The following SLC16A3 variants were observed in gnomAD, a reference collection of about 807,000 sequenced individuals.
SLC16A3 encodes the protein monocarboxylate transporter 4.
A neutral mutation model predicts 25.0 loss-of-function variants in SLC16A3; 22 were observed. That is an observed-to-expected ratio of 0.88 (90% CI 0.63 to 1.26). SLC16A3 has a LOEUF of 1.26. Ranked by LOEUF, SLC16A3 falls within the 50% of genes most tolerant of loss-of-function variation. The pLI is 0.00. For synonymous variants in SLC16A3, 390 were observed against 309.2 expected (o/e 1.26, Z -2.74); for missense variants, 731 against 666.6 (o/e 1.10, Z -1.06).
At chr17:82,231,255 C>T (rs933628765) in intron 1 of SLC16A3, 1 of 152,216 alleles carries the variant, frequency 6.6e-6, no homozygotes, top group Admixed American at 6.5e-5. Flanking sequence ...AGCCGGAACC[C>T]GCAGGCGCCC....
chr17:82,226,541 A>G (rs1018433629), upstream of SLC16A3, among the ~76,000 whole-genome samples: 5 of 152,094 alleles, frequency 3.3e-5, no homozygotes, highest in African/African-American at 9.7e-5. Flanking sequence ...TGTCTCTGAC[A>G]CATCCAGGGT....
Position 82,239,851 on chromosome 17 carries a change from GCA to G in SLC16A3, c.*877_*878del, listed in dbSNP as rs2050715664. The G allele has an allele frequency of 2.0e-6, 1 of 503,992 alleles. No individual in the cohort carries two copies. The highest frequency in any genetic ancestry group is 1.1e-4 in the South Asian group (1 of 9,326). 31.2% of individuals were successfully genotyped at this position (503,992 alleles called of 1,614,324 possible). ...TGGTCAGTGCCCAGGGCTGGTCTTT[GCA>G]CCCTGTCCTCCATCCAGCCCGGCCC... On this transcript the variant is annotated 3_prime_UTR_variant, in exon 5 of 5. Transcript: ENST00000582743.
intron 1 of SLC16A3, among the ~76,000 whole-genome samples, chr17:82,219,718 G>C (rs573442658): frequency 8.3e-4 from 127 of 152,270 alleles, no homozygotes; most frequent in Non-Finnish European, 1.1e-3. Flanking sequence ...CAAAGAGGGG[G>C]CTGGGGGGCT....
chr17:82,233,589 A>G (rs1054937028), intron 1 of SLC16A3: 3 of 152,250 alleles, frequency 2.0e-5, no homozygotes, highest in African/African-American at 7.2e-5. Context: ...TGGTGCAGCC[A>G]GGGAGACTCA....
At position 82,238,905 on chromosome 17, in the gene SLC16A3, G is replaced by C; in HGVS notation, c.1327G>C (p.Val443Leu). ...AGACTCGGGGGTGGACTTGCGGGAG[G>C]TGGAGCATTTCCTGAAGGCTGAGCC... ...PADSGVDLRE[V>L]EHFLKAEPEK... is the part of the protein sequence containing the mutation. Residue 443 changes from valine (V) to leucine (L), a missense_variant, in exon 5 of 5, where the codon GTG becomes CTG. Transcript: ENST00000582743. 3.1e-6 allele frequency: 5 copies of C among 1,599,716 alleles called. No homozygotes were observed. The highest frequency in any genetic ancestry group is 4.3e-6 in the Non-Finnish European group (5 of 1,170,290).
chr17:82,220,006 C>T (rs958779460), intron 1 of SLC16A3, among the ~76,000 whole-genome samples: 9 of 151,952 alleles, frequency 5.9e-5, no homozygotes, highest in African/African-American at 1.9e-4. Flanking sequence ...CGCTCAGGGC[C>T]GGGGGGGCCC....
chr17:82,223,793 G>A (rs115035546), upstream of SLC16A3, among the ~76,000 whole-genome samples: 1,443 of 152,092 alleles, frequency 9.5e-3, 19 homozygotes, highest in African/African-American at 0.033. Flanking sequence ...CCACATTCTT[G>A]GAATGACCGC....
intron 1 of SLC16A3, chr17:82,230,926 CG>C: frequency 6.6e-6 from 1 of 152,268 alleles, no homozygotes; most frequent in Non-Finnish European, 1.5e-5. Context: ...TCGACGCCCC[CG>C]AGTCCCGAGC....
chr17:82,220,467 C>G (rs2050382322), intron 1 of SLC16A3, among the ~76,000 whole-genome samples: 1 of 152,136 alleles, frequency 6.6e-6, no homozygotes, highest in Admixed American at 6.5e-5. Flanking sequence ...TGATTTTTGT[C>G]CTTAGGAAAG....
intron 1 of SLC16A3, chr17:82,231,129 C>A (rs900832202): frequency 6.6e-6 from 1 of 152,180 alleles, no homozygotes; most frequent in East Asian, 1.9e-4. Flanking sequence ...GTCACGTCCC[C>A]CACGTCCCGC....
chr17:82,225,625 C>G (rs1450712998), upstream of SLC16A3, among the ~76,000 whole-genome samples: 1 of 152,208 alleles, frequency 6.6e-6, no homozygotes, highest in African/African-American at 2.4e-5. Context: ...TGTCCTTCCC[C>G]GTGACTCGGC....
At chr17:82,229,426 A>C (rs1361809691) in intron 1 of SLC16A3, 1 of 152,056 alleles carries the variant, frequency 6.6e-6, no homozygotes, top group East Asian at 1.9e-4. Context: ...GCCGGCGGCC[A>C]AGCCCGGTCC....
rs2050715987 is a variant in SLC16A3 at position 82,239,861 on chromosome 17, CTCCA to C, written c.*890_*893del. ...CCAGGGCTGGTCTTTGCACCCTGTC[CTCCA>C]TCCAGCCCGGCCCAGCGCTTGGGCT... On this transcript the variant is annotated 3_prime_UTR_variant, in exon 5 of 5. Coordinates refer to ENST00000582743, the MANE Select transcript of SLC16A3 (RefSeq NM_004207.4). 1 of 554,916 alleles carries C rather than the reference CTCCA, an allele frequency of 1.8e-6. No homozygotes were observed. The highest frequency in any genetic ancestry group is 2.7e-6 in the Non-Finnish European group (1 of 369,850). The allele number at this position is 554,916 out of a possible 1,614,324, so 34.4% of individuals were successfully genotyped here. A position where few individuals can be genotyped will look rare whatever the true frequency, so the allele number is the denominator to read the frequency against.
chr17:82,236,441 C>G, intron 2 of SLC16A3: 1 of 631,976 alleles, frequency 1.6e-6, no homozygotes, highest in Non-Finnish European at 2.7e-6. Flanking sequence ...GGCCCCTGTC[C>G]AAACGGGTCG....
Position 82,237,551 on chromosome 17 carries a change from A to G in SLC16A3, c.781A>G (p.Thr261Ala). The change falls in exon 4 of 5, where the codon ACC becomes GCC. Residue 261 changes from threonine to alanine, a missense_variant. Thr to Ala is a moderately conservative substitution (Grantham distance 58, BLOSUM62 0). Transcript: ENST00000582743. ...SYAKDLGVPD[T>A]KAAFLLTILG... The stretch of plus-strand genomic sequence containing the variant: ...CGCCAAGGACCTGGGCGTGCCCGAC[A>G]CCAAGGCCGCCTTCCTGCTCACCAT... 6.2e-7 allele frequency: 1 copy of G among 1,611,132 alleles called. No individual in the cohort carries two copies. Among genetic ancestry groups the G allele is most frequent in the Non-Finnish European group, 8.5e-7 (1 of 1,178,776 alleles).
chr17:82,235,125 C>T (rs181212912), intron 1 of SLC16A3: 2 of 152,422 alleles, frequency 1.3e-5, no homozygotes, highest in African/African-American at 4.8e-5. Context: ...CAGCTTCAGA[C>T]ATCGTGGGGG....
upstream of SLC16A3, chr17:82,228,982 G>T: frequency 6.7e-6 from 1 of 149,592 alleles, no homozygotes; most frequent in South Asian, 1.9e-4. Context: ...TGACGTGCGC[G>T]GGGGACGTGC....
intron 1 of SLC16A3, among the ~76,000 whole-genome samples, chr17:82,220,266 C>G (rs189773763): frequency 6.6e-6 from 1 of 152,324 alleles, no homozygotes; most frequent in Non-Finnish European, 1.5e-5. Context: ...TGCTCCATGT[C>G]TACCACTGAG....
intron 1 of SLC16A3, among the ~76,000 whole-genome samples, chr17:82,218,304 G>A (rs1264934271): frequency 5.5e-5 from 7 of 126,922 alleles, no homozygotes; most frequent in Admixed American, 3.8e-4. Flanking sequence ...CGGTCACTGC[G>A]GGGTGGACGG....
Sources: allele counts gnomAD v4.1 joint callset (sites outside exome capture counted in the v4.1 genomes callset), GRCh38; gene constraint gnomAD v4.1.1; transcripts MANE v1.5; gene names NCBI Gene and HGNC (gene_info 2026-07-23, HGNC 2026-07-21).